Variants in RPTOR observed in about 807,000 individuals in gnomAD.
RPTOR encodes regulatory associated protein of MTOR complex 1, also known as regulatory-associated protein of mTOR.
RPTOR carries 21 observed loss-of-function variants against 169.9 expected under a neutral mutation model. The observed-to-expected ratio is 0.12, with a 90% CI of 0.09 to 0.18. The LOEUF (loss-of-function observed/expected upper bound fraction) is 0.18, where lower values mean the gene tolerates loss of function less well. Among genes scored for constraint, RPTOR ranks in the 10% least tolerant of loss-of-function variants. The pLI, the probability that RPTOR is intolerant of heterozygous loss-of-function variation, is 1.00. For missense variants in RPTOR, 1,133 were observed against 1,855.9 expected, an observed-to-expected ratio of 0.61 and a Z score of 7.16; for synonymous variants, 732 against 753.2, an observed-to-expected ratio of 0.97 and a Z score of 0.46.
chr17:80,734,626 T>G (rs2066419803), intron 5 of RPTOR, among the ~76,000 whole-genome samples: 2 of 152,322 alleles, frequency 1.3e-5, no homozygotes, highest in Middle Eastern at 3.4e-3. Flanking sequence ...CGACTGGCTT[T>G]ATCCTCATGT....
At chr17:80,635,735 G>A (rs867550442) in intron 2 of RPTOR, among the ~76,000 whole-genome samples, 18 of 152,184 alleles carry the variant, frequency 1.2e-4, no homozygotes, top group Middle Eastern at 3.2e-3. Flanking sequence ...GGATGAGTGC[G>A]TGGAGGAGCT....
chr17:80,720,703 G>A (rs978530924), intron 4 of RPTOR, among the ~76,000 whole-genome samples: 2 of 152,190 alleles, frequency 1.3e-5, no homozygotes, highest in African/African-American at 4.8e-5. Context: ...ATAGCGCTGC[G>A]GTGCCCATGC....
intron 1 of RPTOR, among the ~76,000 whole-genome samples, chr17:80,575,244 C>T (rs1173457085): frequency 6.6e-6 from 1 of 152,104 alleles, no homozygotes; most frequent in African/African-American, 2.4e-5. Context: ...CTCCTTCCGC[C>T]TTGGCCTCCC....
intron 3 of RPTOR, among the ~76,000 whole-genome samples, chr17:80,667,816 GT>G (rs1197097344): frequency 5.3e-5 from 8 of 152,198 alleles, no homozygotes; most frequent in Admixed American, 3.3e-4. Flanking sequence ...TGGTGTAATT[GT>G]GATTGTGATA....
chr17:80,839,157 G>A (rs1385503916), intron 10 of RPTOR, among the ~76,000 whole-genome samples: 1 of 152,244 alleles, frequency 6.6e-6, no homozygotes, highest in Non-Finnish European at 1.5e-5. Flanking sequence ...GCGTGTGTAC[G>A]CGTGAGTGGG....
At chr17:80,954,923 AAAG>A (rs1351541657) in intron 28 of RPTOR, among the ~76,000 whole-genome samples, 1 of 151,312 alleles carries the variant, frequency 6.6e-6, no homozygotes, top group Non-Finnish European at 1.5e-5. Flanking sequence ...TCTCAAAAAA[AAAG>A]AAAGAAAGAA....
At chr17:80,964,217 C>A in intron 33 of RPTOR, 45 bp from the exon 34 acceptor site, 2 of 1,304,142 alleles carry the variant, frequency 1.5e-6, no homozygotes, top group Non-Finnish European at 2.2e-6. Flanking sequence ...CCCGCAGTGT[C>A]TGCCCGCACC....
chr17:80,899,999 G>A (rs184508731), intron 20 of RPTOR, among the ~76,000 whole-genome samples: 1 of 152,230 alleles, frequency 6.6e-6, no homozygotes, highest in African/African-American at 2.4e-5. Flanking sequence ...TGCATGCTGG[G>A]GCACAAAAGT....
At chr17:80,903,368 A>G (rs1261942552) in intron 20 of RPTOR, among the ~76,000 whole-genome samples, 2 of 152,182 alleles carry the variant, frequency 1.3e-5, no homozygotes, top group Non-Finnish European at 2.9e-5. Context: ...AGGAAAGAGG[A>G]GCCCGGAGAC....
At chr17:80,884,909 T>C in intron 16 of RPTOR, 99 bp from the exon 17 acceptor site, 2 of 1,451,780 alleles carry the variant, frequency 1.4e-6, no homozygotes, top group Non-Finnish European at 1.8e-6. Context: ...AGCAAGCGCC[T>C]GTGGGGTTGG....
chr17:80,548,751 T>C (rs1239550078), intron 1 of RPTOR, among the ~76,000 whole-genome samples: 1 of 152,180 alleles, frequency 6.6e-6, no homozygotes, highest in Non-Finnish European at 1.5e-5. Flanking sequence ...AGTCCCACTG[T>C]GCTGGACGTA....
intron 4 of RPTOR, among the ~76,000 whole-genome samples, chr17:80,714,037 C>G (rs1362004435): frequency 1.3e-5 from 2 of 152,128 alleles, no homozygotes; most frequent in African/African-American, 4.8e-5. Flanking sequence ...CTCCTGAGTT[C>G]AAGCTATTCT....
chr17:80,774,791 A>AG (rs1305677715), intron 6 of RPTOR, among the ~76,000 whole-genome samples: 1 of 152,214 alleles, frequency 6.6e-6, no homozygotes, highest in African/African-American at 2.4e-5. Context: ...CGCTGTGTGC[A>AG]GGGGACCGTA....
At chr17:80,689,822 A>G (rs2065975885) in intron 3 of RPTOR, among the ~76,000 whole-genome samples, 1 of 152,166 alleles carries the variant, frequency 6.6e-6, no homozygotes, top group South Asian at 2.1e-4. Flanking sequence ...AATAGAAAAC[A>G]TATTTTTCTA....
At chr17:80,874,478 C>G (rs1005601234) in intron 13 of RPTOR, among the ~76,000 whole-genome samples, 2 of 152,100 alleles carry the variant, frequency 1.3e-5, no homozygotes, top group Non-Finnish European at 2.9e-5. Context: ...TAGAATTAAC[C>G]ATTTACAGAA....
At chr17:80,811,126 C>T (rs2067268122) in intron 7 of RPTOR, among the ~76,000 whole-genome samples, 1 of 152,160 alleles carries the variant, frequency 6.6e-6, no homozygotes, top group Non-Finnish European at 1.5e-5. Flanking sequence ...TAAATGGACG[C>T]AATACAGCTG....
chr17:80,944,569 G>C (rs1159632271), intron 25 of RPTOR, among the ~76,000 whole-genome samples: 3 of 152,228 alleles, frequency 2.0e-5, no homozygotes, highest in Non-Finnish European at 4.4e-5. Flanking sequence ...AGATGTGCCT[G>C]CTCCTCAGCA....
rs945571012 is a variant in RPTOR at position 80,900,421 on chromosome 17, A to G, written c.2401+6556A>G. 5.9e-5 allele frequency among the ~76,000 whole-genome samples: 9 copies of G among 152,048 alleles called. No homozygotes were observed. In the South Asian group the frequency reaches 1.0e-3, roughly 18 times the overall value. ...GCTCACTGCCTCCCGGGTTCAAGCA[A>G]TTCTCCTGCCTCAGCCTCCCAAGTA... On this transcript the variant is annotated intron_variant, in intron 20 of 33. Transcript: ENST00000306801.
At chr17:80,638,054 G>T (rs2065521874) in intron 2 of RPTOR, among the ~76,000 whole-genome samples, 1 of 152,218 alleles carries the variant, frequency 6.6e-6, no homozygotes, top group African/African-American at 2.4e-5. Context: ...TGCTTTCAAG[G>T]CACTGATAGT....
Sources: gnomAD v4.1 joint callset for allele counts (sites outside exome capture counted in the v4.1 genomes callset) on GRCh38, gnomAD v4.1.1 for gene constraint, MANE v1.5 for transcripts, NCBI Gene and HGNC (gene_info 2026-07-23, HGNC 2026-07-21) for gene names.